The following RHOBTB2 variants were observed in gnomAD, a reference collection of about 807,000 sequenced individuals.
The protein encoded by RHOBTB2 is Rho related BTB domain containing 2, also known as rho-related BTB domain-containing protein 2.
In RHOBTB2, 39 loss-of-function variants were observed where a neutral mutation model predicts 66.5. The observed-to-expected ratio is 0.59, with a 90% CI of 0.45 to 0.77. The LOEUF (loss-of-function observed/expected upper bound fraction) is 0.77, where lower values mean the gene tolerates loss of function less well. Among genes scored for constraint, RHOBTB2 ranks in the 30% least tolerant of loss-of-function variants. The probability of loss-of-function intolerance (pLI) is 0.00; values close to 1 mark genes in which losing one functional copy is unlikely to be tolerated. For synonymous variants in RHOBTB2, 390 were observed against 395.0 expected, an observed-to-expected ratio of 0.99 and a Z score of 0.15; for missense variants, 755 against 999.1, an observed-to-expected ratio of 0.76 and a Z score of 3.29.
the RHOBTB2 span, among the ~76,000 whole-genome samples, chr8:22,975,676 A>G: frequency 1.3e-5 from 2 of 152,158 alleles, no homozygotes; most frequent in Non-Finnish European, 2.9e-5. Flanking sequence ...CGCACCTCAC[A>G]CAGGATGTGT....
chr8:22,953,025 G>T, the RHOBTB2 span, among the ~76,000 whole-genome samples: 1 of 152,146 alleles, frequency 6.6e-6, no homozygotes, highest in South Asian at 2.1e-4. Flanking sequence ...TTATACATTG[G>T]CATGCTTCTG....
rs1811315706 is a variant in RHOBTB2 at position 23,017,179 on chromosome 8, G to A, written c.1967-73G>A. On this transcript the variant is annotated intron_variant, in intron 9 of 9. Coordinates refer to ENST00000251822, the MANE Select transcript of RHOBTB2 (RefSeq NM_015178.3). The surrounding 1 kb of genome is among the most constrained non-coding windows in gnomAD (Gnocchi z 5.3). ...GGCCTGCTGCAGGCCTTGTGGTGGG[G>A]TAGGGCTGGTGTCCCACGTTCCTCT... 2 of 1,581,864 alleles carry A rather than the reference G, an allele frequency of 1.3e-6. No individual in the cohort carries two copies. The highest frequency in any genetic ancestry group is 1.3e-5 in the African/African-American group (1 of 74,650).
chr8:22,998,563 G>A (rs7834636), upstream of RHOBTB2, among the ~76,000 whole-genome samples: 7,956 of 151,906 alleles, frequency 0.052, 669 homozygotes, highest in African/African-American at 0.18. Context: ...GTGAAACCCC[G>A]TCTCTACCAA....
intron 7 of RHOBTB2, among the ~76,000 whole-genome samples, chr8:23,011,057 C>T (rs1471253046): frequency 6.6e-6 from 1 of 152,154 alleles, no homozygotes; most frequent in African/African-American, 2.4e-5. Flanking sequence ...TGGTCTTACC[C>T]GTCATGGCAA....
At chr8:22,953,423 G>A in the RHOBTB2 span, among the ~76,000 whole-genome samples, 8 of 152,098 alleles carry the variant, frequency 5.3e-5, no homozygotes, top group Middle Eastern at 6.8e-3. Flanking sequence ...ACATTCCTGG[G>A]GTGGGGTTGG....
chr8:22,986,361 C>T (rs1044134426), upstream of RHOBTB2, among the ~76,000 whole-genome samples: 2 of 148,676 alleles, frequency 1.3e-5, no homozygotes, highest in Admixed American at 6.8e-5. Flanking sequence ...CAACTTCCTG[C>T]GCTCAGATGA....
At chr8:22,955,564 C>CTTTT in the RHOBTB2 span, among the ~76,000 whole-genome samples, 23 of 103,968 alleles carry the variant, frequency 2.2e-4, no homozygotes, top group African/African-American at 3.9e-4. Flanking sequence ...TTCAATAAAT[C>CTTTT]TTTTTTTTTT....
chr8:22,976,377 T>C, the RHOBTB2 span, among the ~76,000 whole-genome samples: 3 of 152,040 alleles, frequency 2.0e-5, no homozygotes, highest in Non-Finnish European at 4.4e-5. Flanking sequence ...TATTTCTGTT[T>C]TGGAGGTGGG....
At chr8:23,015,615 A>C in intron 8 of RHOBTB2, 23 bp from the exon 9 acceptor site, 4 of 1,550,282 alleles carry the variant, frequency 2.6e-6, no homozygotes, top group Non-Finnish European at 3.6e-6. Flanking sequence ...TTCAGTACAG[A>C]CGTTCTTCCC....
chr8:23,010,879 G>T (rs556190713), intron 7 of RHOBTB2, among the ~76,000 whole-genome samples, 191 bp downstream of exon 7: 1 of 152,210 alleles, frequency 6.6e-6, no homozygotes, highest in African/African-American at 2.4e-5. Context: ...GTGGTGCGGG[G>T]CATGTTTGAT....
At chr8:22,972,437 T>G in the RHOBTB2 span, among the ~76,000 whole-genome samples, 17 of 152,168 alleles carry the variant, frequency 1.1e-4, no homozygotes, top group African/African-American at 3.9e-4. Flanking sequence ...GTTTCTTGAA[T>G]CTGGTATACT....
the RHOBTB2 span, among the ~76,000 whole-genome samples, chr8:22,981,645 G>A: frequency 6.6e-6 from 1 of 152,212 alleles, no homozygotes; most frequent in Non-Finnish European, 1.5e-5. Flanking sequence ...GCAGAGGTGG[G>A]AGGTGGGGTA....
At chr8:22,986,902 T>C (rs182148403), upstream of RHOBTB2, among the ~76,000 whole-genome samples, 12 of 152,372 alleles carry the variant, frequency 7.9e-5, no homozygotes, top group Non-Finnish European at 4.4e-5. Flanking sequence ...TTCTGCTGTT[T>C]GTTTTCTACC....
intron 1 of RHOBTB2, among the ~76,000 whole-genome samples, chr8:22,990,798 G>A (rs1011846179): frequency 4.9e-4 from 74 of 152,250 alleles, no homozygotes; most frequent in African/African-American, 1.7e-3. Context: ...CCAGGCCCCC[G>A]CATCCCAGGC....
intron 2 of RHOBTB2, chr8:22,994,471 C>T (rs1024932529): frequency 3.3e-5 from 25 of 754,186 alleles, no homozygotes; most frequent in African/African-American, 3.0e-4. Context: ...CTGGGCTGAG[C>T]GACCTTGGAG....
upstream of RHOBTB2, among the ~76,000 whole-genome samples, chr8:22,994,857 C>T (rs1463356816): frequency 1.3e-5 from 2 of 152,142 alleles, no homozygotes; most frequent in Non-Finnish European, 2.9e-5. Context: ...CCTCTGCCTC[C>T]CAGGTTTAAG....
chr8:22,973,242 A>T, the RHOBTB2 span, among the ~76,000 whole-genome samples: 1 of 151,822 alleles, frequency 6.6e-6, no homozygotes, highest in Non-Finnish European at 1.5e-5. Flanking sequence ...TGGTTTGTTT[A>T]TTTATAGACA....
Position 23,005,941 on chromosome 8 carries a change from C to A in RHOBTB2, c.297-19C>A. ...TACCACTTGTTTCTCTGCCCGTAAC[C>A]TTACTTTCCCACCCGCAGATCTGAT... On this transcript the variant is annotated intron_variant, in intron 3 of 9. Coordinates refer to ENST00000251822, the MANE Select transcript of RHOBTB2 (RefSeq NM_015178.3). 6.2e-7 allele frequency: 1 copy of A among 1,602,824 alleles called. No homozygotes were observed.
At chr8:22,954,440 C>T in the RHOBTB2 span, among the ~76,000 whole-genome samples, 1 of 152,164 alleles carries the variant, frequency 6.6e-6, no homozygotes, top group Admixed American at 6.5e-5. Flanking sequence ...TTCAATGAAT[C>T]AGAGAACCTG....
Sources: gnomAD v4.1 joint callset for allele counts (sites outside exome capture counted in the v4.1 genomes callset) on GRCh38, gnomAD v4.1.1 for gene constraint, Gnocchi (gnomAD v3.1) non-coding constraint, MANE v1.5 for transcripts, NCBI Gene and HGNC (gene_info 2026-07-23, HGNC 2026-07-21) for gene names.